Variants in DCP1A observed in about 807,000 individuals in gnomAD.
DCP1A encodes the protein mRNA-decapping enzyme 1A.
In DCP1A, 20 loss-of-function variants were observed where a neutral mutation model predicts 58.0. The observed-to-expected ratio is 0.34, with a 90% CI of 0.24 to 0.50. The LOEUF (loss-of-function observed/expected upper bound fraction) is 0.50. DCP1A is among the 20% of genes least tolerant of loss of function. DCP1A has a pLI of 0.98. For missense variants in DCP1A, 613 were observed against 712.2 expected (o/e 0.86, Z 1.59); for synonymous variants, 285 against 275.1 (o/e 1.04, Z -0.36).
intron 4 of DCP1A, among the ~76,000 whole-genome samples, chr3:53,314,348 T>C (rs534245839): frequency 2.6e-5 from 4 of 152,362 alleles, no homozygotes; most frequent in African/African-American, 9.6e-5. Flanking sequence ...TTTTTCTATC[T>C]AGATTCATAA....
chr3:53,332,635 C>T (rs143455818), intron 3 of DCP1A, among the ~76,000 whole-genome samples: 169 of 152,074 alleles, frequency 1.1e-3, no homozygotes, highest in African/African-American at 3.7e-3. Context: ...GAGGCCAAGG[C>T]GGGTGGATCA....
chr3:53,312,446 G>A, intron 4 of DCP1A, 67 bp from the exon 5 acceptor site: 1 of 1,399,604 alleles, frequency 7.1e-7, no homozygotes, highest in Non-Finnish European at 9.5e-7. Context: ...ATTTCTTTTG[G>A]TGTTCATCTT....
intron 3 of DCP1A, among the ~76,000 whole-genome samples, chr3:53,322,666 A>G (rs557722995): frequency 2.0e-5 from 3 of 151,904 alleles, no homozygotes; most frequent in African/African-American, 7.3e-5. Context: ...AAAACCTCTA[A>G]TTACACTAAA....
At chr3:53,329,994 A>G (rs1318500667) in intron 3 of DCP1A, among the ~76,000 whole-genome samples, 2 of 152,224 alleles carry the variant, frequency 1.3e-5, no homozygotes, top group African/African-American at 4.8e-5. Context: ...TCAAGACCAT[A>G]TACTCTTTCC....
chr3:53,308,389 G>C (rs1016611136), intron 5 of DCP1A, among the ~76,000 whole-genome samples: 5 of 151,952 alleles, frequency 3.3e-5, no homozygotes, highest in African/African-American at 1.2e-4. Context: ...GGAGCTGTTG[G>C]GCTCGTGATC....
In DCP1A at chr3:53,289,667, T is replaced by C. The variant is rs565752552; in HGVS notation, c.1449+1124A>G. ...ATCTATTTTTTTATACTATTATAGA[T>C]AGCAATGAGAAAATTTCTTAAAATA... On this transcript the variant is annotated intron_variant, in intron 8 of 9. Coordinates refer to ENST00000610213, the MANE Select transcript of DCP1A (RefSeq NM_018403.7). Among the ~76,000 whole-genome samples the C allele has an allele frequency of 4.9e-4, 74 of 151,992 alleles. 1 individual carries two copies. The highest frequency in any genetic ancestry group is 7.5e-4 in the Non-Finnish European group (51 of 67,984).
chr3:53,345,508 C>T (rs937887469), intron 1 of DCP1A, among the ~76,000 whole-genome samples: 12 of 152,082 alleles, frequency 7.9e-5, no homozygotes, highest in Non-Finnish European at 1.6e-4. Context: ...TACCCTGCCT[C>T]AGTGTAATTA....
At chr3:53,337,957 C>G (rs1575621789) in intron 3 of DCP1A, 1 of 210,300 alleles carries the variant, frequency 4.8e-6, no homozygotes, top group Non-Finnish European at 1.0e-5. Context: ...TCCCTAATTG[C>G]AAAGTTTTAG....
At chr3:53,327,133 G>C (rs1194243449) in intron 3 of DCP1A, among the ~76,000 whole-genome samples, 1 of 152,112 alleles carries the variant, frequency 6.6e-6, no homozygotes, top group Admixed American at 6.6e-5. Context: ...TCTATAGTTA[G>C]GGATCTGGGA....
chr3:53,302,252 T>C (rs1380247691), intron 6 of DCP1A, among the ~76,000 whole-genome samples: 1 of 152,224 alleles, frequency 6.6e-6, no homozygotes, highest in Non-Finnish European at 1.5e-5. Flanking sequence ...CTTTCTGCAT[T>C]ATTTCTTACA....
At chr3:53,305,859 T>A (rs912853052) in intron 5 of DCP1A, among the ~76,000 whole-genome samples, 23 of 152,198 alleles carry the variant, frequency 1.5e-4, no homozygotes, top group Non-Finnish European at 2.2e-4. Context: ...ACCATTAATG[T>A]GCTCATGACA....
At chr3:53,315,915 C>T (rs1336875159) in intron 4 of DCP1A, among the ~76,000 whole-genome samples, 9 of 151,796 alleles carry the variant, frequency 5.9e-5, no homozygotes, top group Non-Finnish European at 7.4e-5. Flanking sequence ...CACCATGCCC[C>T]GCTAATTTTT....
chr3:53,336,493 C>G (rs1203391371), intron 3 of DCP1A, among the ~76,000 whole-genome samples: 1 of 152,130 alleles, frequency 6.6e-6, no homozygotes, highest in African/African-American at 2.4e-5. Flanking sequence ...CTCTAGTTTC[C>G]ATGAACTAAA....
chr3:53,318,333 AAAAAT>A (rs1270921338), intron 4 of DCP1A, among the ~76,000 whole-genome samples: 1 of 152,184 alleles, frequency 6.6e-6, no homozygotes, highest in African/African-American at 2.4e-5. Context: ...AAAATAAAAT[AAAAAT>A]AAAATAAGAT....
At position 53,325,370 on chromosome 3, in the gene DCP1A, G is replaced by A. The variant is rs1436715701; in HGVS notation, c.305-5897C>T. On this transcript the variant is annotated intron_variant, in intron 3 of 9. Transcript: ENST00000610213. ...TCTAACCTACTTTCTAGAAGGATCT[G>A]AGGAGGCTGGAGATTTTCTCAGTAT... is the stretch of plus-strand genomic sequence containing the variant. 3.9e-5 allele frequency among the ~76,000 whole-genome samples: 6 copies of A among 152,210 alleles called. No individual in the cohort carries two copies. In the East Asian group the frequency reaches 1.2e-3, roughly 29 times the overall value.
At chr3:53,321,254 G>T (rs1398874189) in intron 3 of DCP1A, among the ~76,000 whole-genome samples, 1 of 152,222 alleles carries the variant, frequency 6.6e-6, no homozygotes, top group Non-Finnish European at 1.5e-5. Flanking sequence ...ATTGTCTGTT[G>T]TGTCATTTCC....
intron 3 of DCP1A, among the ~76,000 whole-genome samples, chr3:53,319,758 T>C (rs1191920150): frequency 2.0e-5 from 3 of 152,210 alleles, no homozygotes; most frequent in Non-Finnish European, 1.5e-5. Flanking sequence ...CCATTATTTA[T>C]GTACTATCAA....
intron 4 of DCP1A, among the ~76,000 whole-genome samples, chr3:53,314,565 C>T (rs1707741139): frequency 6.6e-6 from 1 of 152,042 alleles, no homozygotes; most frequent in Admixed American, 6.5e-5. Context: ...TGACATGTTG[C>T]CTGACTTGGC....
chr3:53,319,069 C>A lies in DCP1A; in HGVS notation c.371+338G>T, dbSNP rs563429238. 1.2e-4 allele frequency among the ~76,000 whole-genome samples: 19 copies of A among 152,170 alleles called. No individual in the cohort carries two copies. The South Asian group carries it at 3.9e-3, about 32-fold the overall frequency. On this transcript the variant is annotated intron_variant, in intron 4 of 9. Coordinates refer to ENST00000610213, the MANE Select transcript of DCP1A (RefSeq NM_018403.7). ...GGATACAATGCAGCTGTCATAAATACTACAGAGAAAGATTTAATGCCCTGG... is the reference window on the plus strand; with the variant it reads ...GGATACAATGCAGCTGTCATAAATAATACAGAGAAAGATTTAATGCCCTGG...
Sources: gnomAD v4.1 joint callset for allele counts (sites outside exome capture counted in the v4.1 genomes callset) on GRCh38, gnomAD v4.1.1 for gene constraint, MANE v1.5 for transcripts, NCBI Gene and HGNC (gene_info 2026-07-23, HGNC 2026-07-21) for gene names.